CDK5RAP2: variants seen among roughly 807,000 people sequenced by gnomAD.
CDK5RAP2 encodes the protein CDK5 regulatory subunit associated protein 2.
In CDK5RAP2, 147 loss-of-function variants were observed where a neutral mutation model predicts 232.9. The observed-to-expected ratio is 0.63, with a 90% CI of 0.55 to 0.72. The LOEUF (loss-of-function observed/expected upper bound fraction) is 0.72, where lower values mean the gene tolerates loss of function less well. CDK5RAP2 is among the 30% of genes least tolerant of loss of function. The probability of loss-of-function intolerance (pLI) is 0.00; values close to 1 mark genes in which losing one functional copy is unlikely to be tolerated. For missense variants in CDK5RAP2, 2,195 were observed against 2,231.5 expected (o/e 0.98, Z 0.33); for synonymous variants, 833 against 833.7 (o/e 1.00, Z 0.01).
chr9:120,502,595 C>CA (rs2039625867), intron 12 of CDK5RAP2, among the ~76,000 whole-genome samples: 1 of 152,234 alleles, frequency 6.6e-6, no homozygotes, highest in Non-Finnish European at 1.5e-5. Flanking sequence ...AATCCCCTAA[C>CA]AGAGTTGACA....
intron 9 of CDK5RAP2, among the ~76,000 whole-genome samples, 187 bp from the exon 10 acceptor site, chr9:120,528,112 CAACAGGGCTG>C (rs1004235047): frequency 2.6e-5 from 4 of 152,306 alleles, no homozygotes; most frequent in African/African-American, 9.6e-5. Flanking sequence ...CCGCTCCCGG[CAACAGGGCTG>C]GGTGAAGGGG....
intron 7 of CDK5RAP2, among the ~76,000 whole-genome samples, chr9:120,533,867 C>T (rs2041270857): frequency 2.0e-5 from 3 of 151,934 alleles, no homozygotes. Flanking sequence ...CCCTTATCCC[C>T]CAGATCCAGT....
At chr9:120,439,186 C>T (rs980035332) in intron 24 of CDK5RAP2, among the ~76,000 whole-genome samples, 2 of 152,162 alleles carry the variant, frequency 1.3e-5, no homozygotes, top group African/African-American at 2.4e-5. Context: ...TCGTAACTGA[C>T]GTTCAAGTGC....
chr9:120,434,177 G>C (rs1256310972), intron 25 of CDK5RAP2, among the ~76,000 whole-genome samples: 1 of 152,160 alleles, frequency 6.6e-6, no homozygotes, highest in Non-Finnish European at 1.5e-5. Flanking sequence ...ATTTCATAAA[G>C]AGCTGTCAAA....
chr9:120,407,980 T>C, intron 31 of CDK5RAP2: 1 of 320,766 alleles, frequency 3.1e-6, no homozygotes, highest in South Asian at 2.9e-5. Flanking sequence ...GCTAGGATGC[T>C]TTTAATAAAT....
chr9:120,539,247 T>C, intron 5 of CDK5RAP2, 83 bp from the exon 6 acceptor site: 1 of 1,548,708 alleles, frequency 6.5e-7, no homozygotes, highest in Non-Finnish European at 8.9e-7. Context: ...CAAGGAGTAT[T>C]TGCTAGTCAT....
intron 18 of CDK5RAP2, among the ~76,000 whole-genome samples, chr9:120,461,401 G>A (rs2037079708): frequency 6.6e-6 from 1 of 152,220 alleles, no homozygotes; most frequent in Non-Finnish European, 1.5e-5. Flanking sequence ...AAGAAAGCCA[G>A]TTCTCAGCTC....
At chr9:120,465,706 G>GA (rs542352147) in intron 18 of CDK5RAP2, among the ~76,000 whole-genome samples, 167 of 134,372 alleles carry the variant, frequency 1.2e-3, no homozygotes, top group East Asian at 3.8e-3. Flanking sequence ...CAACTCTAAG[G>GA]AAAAAAAAAA....
At chr9:120,399,021 T>C (rs1398273523) in intron 35 of CDK5RAP2, among the ~76,000 whole-genome samples, 3 of 152,210 alleles carry the variant, frequency 2.0e-5, no homozygotes, top group Non-Finnish European at 2.9e-5. Context: ...ACAGGGGGTA[T>C]GTACCCCAGC....
chr9:120,412,247 C>T lies in CDK5RAP2; in HGVS notation c.4298-773G>A, dbSNP rs759822434. On this transcript the variant is annotated intron_variant, in intron 28 of 37. Transcript: ENST00000349780. ...ATTTCACAGGTAACATTCACATTCACGGCCACCCTCAGGAAAGTGCCTACT... is the reference window on the plus strand; with the variant it reads ...ATTTCACAGGTAACATTCACATTCATGGCCACCCTCAGGAAAGTGCCTACT... Among the ~76,000 whole-genome samples, 8 of 152,228 alleles carry T rather than the reference C, an allele frequency of 5.3e-5. No homozygotes were observed. In the South Asian group the frequency reaches 6.2e-4, roughly 12 times the overall value.
At chr9:120,551,953 G>A (rs922559927) in intron 3 of CDK5RAP2, among the ~76,000 whole-genome samples, 10 of 151,784 alleles carry the variant, frequency 6.6e-5, no homozygotes, top group Non-Finnish European at 1.2e-4. Context: ...TCTGACAAAG[G>A]GCTAATATCC....
chr9:120,414,981 A>G, intron 28 of CDK5RAP2, 59 bp downstream of exon 28: 2 of 1,598,894 alleles, frequency 1.3e-6, no homozygotes, highest in Non-Finnish European at 1.7e-6. Flanking sequence ...ACTCAGGCAA[A>G]TGCGTCACAG....
chr9:120,569,110 C>T (rs10984958), intron 2 of CDK5RAP2, among the ~76,000 whole-genome samples: 12,265 of 152,132 alleles, frequency 0.081, 696 homozygotes, highest in East Asian at 0.29. Context: ...CAAGAGGTTC[C>T]CTATCGAGTG....
rs951268269 is a variant in CDK5RAP2 at position 120,453,973 on chromosome 9, A to T, written c.2376-100T>A. On this transcript the variant is annotated intron_variant, in intron 20 of 37. Transcript: ENST00000349780. ...GTTATCCCCACCTACTGTTGCCCAG[A>T]TTCCATCAAAACTAAATACAGTGTG... The T allele has an allele frequency of 1.1e-5, 13 of 1,217,208 alleles. No homozygotes were observed. In the African/African-American group the frequency reaches 1.5e-4, roughly 14 times the overall value. 75.4% of individuals were successfully genotyped at this position (1,217,208 alleles called of 1,614,324 possible).
chr9:120,409,149 A>G lies in CDK5RAP2; in HGVS notation c.4582T>C (p.Cys1528Arg), dbSNP rs942740176. The stretch of plus-strand genomic sequence containing the variant: ...TACCTGCTCAGCTCCTGGCCGCTGC[A>G]GCGGACCTCCTGGATCAGCTGCTGG... ...HNQQLIQEVR[C>R]SGQELSRVQE... is the part of the protein sequence containing the mutation. The change falls in exon 30 of 38, where the codon TGC becomes CGC. Residue 1528 changes from cysteine (C) to arginine (R), a missense_variant. By Grantham distance (180) the Cys-to-Arg change is radical (BLOSUM62 -3). Transcript: ENST00000349780. 2.5e-6 allele frequency: 4 copies of G among 1,612,344 alleles called. No individual in the cohort carries two copies. In the African/African-American group the frequency reaches 5.3e-5, roughly 22 times the overall value.
At chr9:120,531,756 C>G (rs527262709) in intron 7 of CDK5RAP2, among the ~76,000 whole-genome samples, 1 of 152,232 alleles carries the variant, frequency 6.6e-6, no homozygotes, top group Admixed American at 6.5e-5. Flanking sequence ...CCTAGTGAAG[C>G]ACAGCTTCCT....
At chr9:120,458,382 T>C in intron 20 of CDK5RAP2, 68 bp downstream of exon 20, 1 of 1,482,848 alleles carries the variant, frequency 6.7e-7, no homozygotes, top group Non-Finnish European at 9.4e-7. Context: ...TCTAAACCCA[T>C]TTAGCAAAAT....
intron 20 of CDK5RAP2, among the ~76,000 whole-genome samples, chr9:120,455,329 A>T (rs1375360929): frequency 1.3e-5 from 2 of 151,456 alleles, no homozygotes; most frequent in African/African-American, 2.4e-5. Flanking sequence ...TGAGGCTGGA[A>T]AGATGAGCAG....
intron 29 of CDK5RAP2, among the ~76,000 whole-genome samples, 196 bp downstream of exon 29, chr9:120,411,162 G>C (rs1364351163): frequency 6.6e-6 from 1 of 152,178 alleles, no homozygotes; most frequent in Non-Finnish European, 1.5e-5. Flanking sequence ...AGATATTCCT[G>C]AACCTCTCTG....
Sources: gnomAD v4.1 joint callset for allele counts (sites outside exome capture counted in the v4.1 genomes callset) on GRCh38, gnomAD v4.1.1 for gene constraint, MANE v1.5 for transcripts, NCBI Gene and HGNC (gene_info 2026-07-23, HGNC 2026-07-21) for gene names.